CYP7B1: variants seen among roughly 807,000 people sequenced by gnomAD.
The protein encoded by CYP7B1 is cytochrome P450 7B1.
A neutral mutation model predicts 42.7 loss-of-function variants in CYP7B1; 29 were observed. The ratio of observed to expected loss-of-function variants is 0.68; its 90% CI spans 0.51 to 0.93. The LOEUF (loss-of-function observed/expected upper bound fraction) is 0.93, where lower values mean the gene tolerates loss of function less well. CYP7B1 is among the 40% of genes least tolerant of loss of function. The pLI is 0.00. For synonymous variants in CYP7B1, 235 were observed against 218.2 expected (o/e 1.08, Z -0.68); for missense variants, 655 against 600.5 (o/e 1.09, Z -0.95).
intron 4 of CYP7B1, among the ~76,000 whole-genome samples, chr8:64,610,342 A>G (rs560283537): frequency 2.6e-5 from 4 of 152,262 alleles, no homozygotes; most frequent in East Asian, 1.9e-4. Context: ...TTTGTGGAAG[A>G]TGCTTCACCC....
intron 1 of CYP7B1, among the ~76,000 whole-genome samples, chr8:64,717,782 G>A (rs1247590665): frequency 6.6e-6 from 1 of 151,996 alleles, no homozygotes; most frequent in Non-Finnish European, 1.5e-5. Context: ...AGAAAGTGGA[G>A]GGTACGATAA....
intron 1 of CYP7B1, among the ~76,000 whole-genome samples, chr8:64,715,496 TTATTCCTCCTTATAGATTTTACTACAAAA>T (rs1807141580): frequency 6.6e-6 from 1 of 152,216 alleles, no homozygotes; most frequent in African/African-American, 2.4e-5. Flanking sequence ...GCTAGTCACT[TTATTCCTCCTTATAGATTTTACTACAAAA>T]TATAGAGAAG....
rs1036205357 is a variant in CYP7B1, at chr8:64,591,959, G to A, written c.*4683C>T. Among the ~76,000 whole-genome samples, 3 of 152,096 alleles carry A rather than the reference G, an allele frequency of 2.0e-5. No homozygotes were observed. The highest frequency in any genetic ancestry group is 1.3e-4 in the Admixed American group (2 of 15,264). On this transcript the variant is annotated 3_prime_UTR_variant, in exon 6 of 6. Coordinates refer to ENST00000310193, the MANE Select transcript of CYP7B1 (RefSeq NM_004820.5). ...CCCCAGCACTTAGGGAGTCCGAGGC[G>A]GGTGGATCACCTGAGGTCTGGAGTT...
Position 64,642,945 on chromosome 8 carries a change from C to T in CYP7B1, c.123-18406G>A, listed in dbSNP as rs549269644. Among the ~76,000 whole-genome samples the T allele has an allele frequency of 1.7e-3, 254 of 151,838 alleles. 1 individual carries two copies. The highest frequency in any genetic ancestry group is 5.7e-3 in the African/African-American group (238 of 41,392). On this transcript the variant is annotated intron_variant, in intron 1 of 5. Transcript: ENST00000310193. ...ATGTCTGTTTATGCTAATACACATA[C>T]TTTGGTTCCTGAAAATCTGCCACCT... is the stretch of plus-strand genomic sequence containing the variant.
At chr8:64,774,463 AG>A (rs1804287911) in intron 1 of CYP7B1, among the ~76,000 whole-genome samples, 1 of 152,332 alleles carries the variant, frequency 6.6e-6, no homozygotes, top group South Asian at 2.1e-4. Flanking sequence ...TCATGTCAAT[AG>A]GAACAGTTGT....
chr8:64,761,796 A>C (rs1807894816), intron 1 of CYP7B1, among the ~76,000 whole-genome samples: 1 of 152,190 alleles, frequency 6.6e-6, no homozygotes, highest in South Asian at 2.1e-4. Flanking sequence ...TTGTTTCCTA[A>C]ATAAGACTTC....
At chr8:64,771,328 G>A (rs1245705564) in intron 1 of CYP7B1, among the ~76,000 whole-genome samples, 1 of 151,806 alleles carries the variant, frequency 6.6e-6, no homozygotes, top group Admixed American at 6.6e-5. Context: ...TCAAAGTGCT[G>A]GGATTACAGT....
At chr8:64,768,380 A>G (rs1479115772) in intron 1 of CYP7B1, among the ~76,000 whole-genome samples, 2 of 151,488 alleles carry the variant, frequency 1.3e-5, no homozygotes, top group African/African-American at 4.8e-5. Flanking sequence ...AAAAAGTGTT[A>G]TTTACATTTC....
At chr8:64,638,658 G>C (rs1291858324) in intron 1 of CYP7B1, among the ~76,000 whole-genome samples, 1 of 152,120 alleles carries the variant, frequency 6.6e-6, no homozygotes, top group Admixed American at 6.6e-5. Context: ...TATACAAGTT[G>C]TTAGTTACAA....
At chr8:64,589,580 T>C (rs531262125), downstream of CYP7B1, among the ~76,000 whole-genome samples, 31 of 152,338 alleles carry the variant, frequency 2.0e-4, no homozygotes, top group African/African-American at 7.0e-4. Context: ...CAAACCTTAA[T>C]TTTAATATAA....
chr8:64,721,687 A>T (rs537315738), intron 1 of CYP7B1, among the ~76,000 whole-genome samples: 5 of 152,304 alleles, frequency 3.3e-5, no homozygotes, highest in Non-Finnish European at 7.4e-5. Flanking sequence ...TCTATCTAAT[A>T]TATACAAAAT....
chr8:64,742,897 A>C (rs11992694), intron 1 of CYP7B1, among the ~76,000 whole-genome samples: 43,815 of 152,042 alleles, frequency 0.29, 7,533 homozygotes, highest in African/African-American at 0.48. Context: ...TTTATCATGT[A>C]TTTGATTGTT....
chr8:64,667,312 G>T (rs1023185193), intron 1 of CYP7B1, among the ~76,000 whole-genome samples: 1 of 152,044 alleles, frequency 6.6e-6, no homozygotes, highest in Non-Finnish European at 1.5e-5. Context: ...ATTCCCTCGG[G>T]GGGCTCATCC....
intron 1 of CYP7B1, among the ~76,000 whole-genome samples, chr8:64,748,332 T>C (rs913307240): frequency 7.9e-5 from 12 of 152,166 alleles, no homozygotes; most frequent in Admixed American, 7.9e-4. Context: ...GAGTGGTCTA[T>C]CTTCACCATT....
intron 1 of CYP7B1, among the ~76,000 whole-genome samples, chr8:64,647,547 G>A (rs1231740574): frequency 1.3e-5 from 2 of 152,174 alleles, no homozygotes; most frequent in African/African-American, 4.8e-5. Context: ...CTCATGATCT[G>A]CTTTTGGCAA....
At chr8:64,660,285 A>G (rs1361096259) in intron 1 of CYP7B1, among the ~76,000 whole-genome samples, 1 of 152,162 alleles carries the variant, frequency 6.6e-6, no homozygotes, top group African/African-American at 2.4e-5. Context: ...TGTATTTGTT[A>G]TCATTATTGT....
At chr8:64,692,515 G>C (rs942382420) in intron 1 of CYP7B1, among the ~76,000 whole-genome samples, 3 of 152,190 alleles carry the variant, frequency 2.0e-5, no homozygotes, top group African/African-American at 4.8e-5. Flanking sequence ...GTGTCTTAGA[G>C]AAGTGGAGAG....
intron 1 of CYP7B1, among the ~76,000 whole-genome samples, chr8:64,779,463 A>T (rs1448129613): frequency 1.3e-5 from 2 of 152,146 alleles, no homozygotes; most frequent in African/African-American, 4.8e-5. Context: ...AAATATAAAA[A>T]GGAACCAACA....
intron 1 of CYP7B1, among the ~76,000 whole-genome samples, chr8:64,654,556 T>G (rs942587879): frequency 6.6e-6 from 1 of 152,192 alleles, no homozygotes; most frequent in East Asian, 1.9e-4. Flanking sequence ...CCCATGCGCA[T>G]GAATAGGAAG....
Sources: gnomAD v4.1 joint callset for allele counts (sites outside exome capture counted in the v4.1 genomes callset) on GRCh38, gnomAD v4.1.1 for gene constraint, MANE v1.5 for transcripts, NCBI Gene and HGNC (gene_info 2026-07-23, HGNC 2026-07-21) for gene names.